The following TECTA variants were observed in gnomAD, a reference collection of about 807,000 sequenced individuals.
TECTA encodes the protein tectorin alpha, also known as alpha-tectorin.
TECTA carries 128 observed loss-of-function variants against 216.8 expected under a neutral mutation model. The ratio of observed to expected loss-of-function variants is 0.59; its 90% CI spans 0.51 to 0.68. The LOEUF (loss-of-function observed/expected upper bound fraction) is 0.68, where lower values mean the gene tolerates loss of function less well. Ranked by LOEUF, TECTA falls within the 30% of genes least tolerant of loss-of-function variation. The pLI is 0.00. For missense variants in TECTA, 2,551 were observed against 2,786.2 expected (o/e 0.92, Z 1.90); for synonymous variants, 1,089 against 1,117.1 (o/e 0.97, Z 0.50).
At chr11:121,170,569 C>G (rs1306813256) in intron 20 of TECTA, among the ~76,000 whole-genome samples, 1 of 152,062 alleles carries the variant, frequency 6.6e-6, no homozygotes, top group African/African-American at 2.4e-5. Flanking sequence ...CCCCTTTCTC[C>G]ATATCCTCAC....
At chr11:121,189,300 C>A (rs1947318019) in intron 22 of TECTA, 133 bp downstream of exon 22, 2 of 812,148 alleles carry the variant, frequency 2.5e-6, no homozygotes, top group Admixed American at 4.0e-5. Flanking sequence ...GAGAACATCA[C>A]CTGCTTCCTT....
intron 20 of TECTA, among the ~76,000 whole-genome samples, chr11:121,181,782 G>T (rs1335809077): frequency 6.6e-6 from 1 of 152,144 alleles, no homozygotes; most frequent in African/African-American, 2.4e-5. Context: ...GAGAATTATT[G>T]TGTTCTTATT....
intron 7 of TECTA, among the ~76,000 whole-genome samples, chr11:121,124,438 C>T (rs1475394813): frequency 6.6e-6 from 1 of 152,176 alleles, no homozygotes. Flanking sequence ...CTGCCCTTCC[C>T]CCACTCTTCC....
chr11:121,123,978 G>A (rs1374756147), intron 7 of TECTA, among the ~76,000 whole-genome samples: 2 of 152,132 alleles, frequency 1.3e-5, no homozygotes, highest in Non-Finnish European at 2.9e-5. Flanking sequence ...TCTCACCCTA[G>A]ATAACCACAT....
rs200170085 is a variant in TECTA at position 121,137,404 on chromosome 11, T to C, written c.2942-17T>C. 3.0e-5 allele frequency: 48 copies of C among 1,613,568 alleles called. 3 individuals carry two copies. In the South Asian group the frequency reaches 5.1e-4, roughly 17 times the overall value. On this transcript the variant is annotated splice_polypyrimidine_tract_variant and intron_variant, in intron 10 of 23. Transcript: ENST00000392793. Reference sequence around the variant, plus strand: ...TTGTCCTTTTCTCAAACCCGTCTTCTCCTTGACCACCTGCAGCACTGGAGT... The same window carrying C: ...TTGTCCTTTTCTCAAACCCGTCTTCCCCTTGACCACCTGCAGCACTGGAGT...
chr11:121,137,059 C>G (rs1334847631), intron 10 of TECTA, among the ~76,000 whole-genome samples: 1 of 152,198 alleles, frequency 6.6e-6, no homozygotes, highest in Admixed American at 6.5e-5. Context: ...GACTACAGCT[C>G]ACTGTACTGT....
rs147790742 is a variant in TECTA at position 121,118,487 on chromosome 11, G to C, written c.972G>C (p.Val324=). ...CSAVETSTCV[V]FGEPHYHTFD... is the part of the protein sequence containing the mutation. ...CTGTGGAGACCAGCACATGCGTGGT[G>C]TTTGGGGAGCCACACTACCACACTT... The change falls in exon 7 of 24, where the codon GTG becomes GTC. Residue 324 remains valine, a synonymous_variant. Transcript: ENST00000392793. The C allele has an allele frequency of 4.4e-4, 716 of 1,614,208 alleles. 4 individuals carry two copies. The African/African-American group carries it at 8.7e-3, about 20-fold the overall frequency.
chr11:121,166,007 G>C (rs1038656529), intron 17 of TECTA, among the ~76,000 whole-genome samples: 15 of 152,228 alleles, frequency 9.9e-5, no homozygotes, highest in Admixed American at 9.8e-4. Flanking sequence ...CTCCTTAGGA[G>C]GGGACAAGGG....
chr11:121,183,317 C>T (rs1245440056), intron 20 of TECTA, among the ~76,000 whole-genome samples: 3 of 152,094 alleles, frequency 2.0e-5, no homozygotes, highest in Non-Finnish European at 4.4e-5. Context: ...GTCTGAGGGG[C>T]TGGAGGGTGT....
rs1591464222 is a variant in TECTA, at chr11:121,168,187, C to G, written c.5720C>G (p.Ser1907Cys). 1.2e-6 allele frequency: 2 copies of G among 1,614,204 alleles called. No homozygotes were observed. The highest frequency in any genetic ancestry group is 2.7e-5 in the African/African-American group (2 of 75,064). The change falls in exon 19 of 24, where the codon TCC becomes TGC. Residue 1907 changes from serine to cysteine, a missense_variant. Coordinates refer to ENST00000392793, the MANE Select transcript of TECTA (RefSeq NM_005422.4). The stretch of plus-strand genomic sequence containing the variant: ...GCTTATGAGCTGGATATCAAGATCT[C>G]CTTGGATTCTGTTGTGAAGCCTATG... ...SCAYELDIKISLDSVVKPMLS... is the reference protein window; with the variant it reads ...SCAYELDIKICLDSVVKPMLS...
chr11:121,153,628 G>C (rs1433510778), intron 13 of TECTA, among the ~76,000 whole-genome samples: 3 of 152,136 alleles, frequency 2.0e-5, no homozygotes, highest in African/African-American at 7.2e-5. Flanking sequence ...CCTGGAGTTT[G>C]GTCTGGACTG....
At chr11:121,129,584 A>G in intron 9 of TECTA, 54 bp from the exon 10 acceptor site, 1 of 1,582,834 alleles carries the variant, frequency 6.3e-7, no homozygotes, top group East Asian at 2.2e-5. Context: ...AGCCTAGGAA[A>G]TGGAAAGTGC....
In TECTA at chr11:121,187,893, C is replaced by T. The variant is rs1455568421; in HGVS notation, c.6061C>T (p.Arg2021Cys). ...IEENAVSLTC[R>C]FHVTVFKFIG... ...GGAGAATGCAGTCTCCCTGACCTGT[C>T]GCTTTCACGTCACCGTCTTTAAATT... The change falls in exon 21 of 24, where the codon CGC (arginine) becomes TGC (cysteine). Residue 2021 changes from arginine to cysteine, a missense_variant. By Grantham distance (180) the Arg-to-Cys change is radical (BLOSUM62 -3). Coordinates refer to ENST00000392793, the MANE Select transcript of TECTA (RefSeq NM_005422.4). 5 of 1,614,128 alleles carry T rather than the reference C, an allele frequency of 3.1e-6. No homozygotes were observed. Among genetic ancestry groups the T allele is most frequent in the South Asian group, 1.1e-5 (1 of 91,088 alleles).
Position 121,129,648 on chromosome 11 carries a change from A to C in TECTA, c.2378A>C (p.Gln793Pro). 1 of 1,614,216 alleles carries C rather than the reference A, an allele frequency of 6.2e-7. No homozygotes were observed. ...IGASEVKLNG[Q>P]EVELPFFHPS... is the part of the protein sequence containing the mutation. ...GACTTGATTTTTCAGTTGAATGGTC[A>C]GGAAGTGGAATTGCCTTTTTTCCAT... The change falls in exon 10 of 24, where the codon CAG becomes CCG. Residue 793 changes from glutamine (Q) to proline (P), a missense_variant. Around this residue, in one of 3 missense-constraint regions of TECTA, gnomAD observed 2,375 missense variants for 2,563.9 expected, o/e 0.93. Coordinates refer to ENST00000392793, the MANE Select transcript of TECTA (RefSeq NM_005422.4).
intron 11 of TECTA, among the ~76,000 whole-genome samples, chr11:121,140,114 G>A (rs1946769881): frequency 1.3e-5 from 2 of 151,944 alleles, no homozygotes; most frequent in African/African-American, 4.8e-5. Flanking sequence ...TCTCTTCATG[G>A]GTCCTGTCTC....
chr11:121,122,022 AC>A (rs1946563163), intron 7 of TECTA, among the ~76,000 whole-genome samples: 3 of 152,046 alleles, frequency 2.0e-5, no homozygotes, highest in Admixed American at 2.0e-4. Flanking sequence ...CTAACCCTCT[AC>A]CTAGGAGACA....
chr11:121,189,182 TAAAACACACCCTA>T lies in TECTA; in HGVS notation c.6250+18_6250+30del, dbSNP rs1947316988. ...TAGGAGAAAAAGTATGTATGTTCCC[TAAAACACACCCTA>T]AATTATTAAAACAACGGGATTTCAA... is the stretch of plus-strand genomic sequence containing the variant. On this transcript the variant is annotated intron_variant, in intron 22 of 23. Transcript: ENST00000392793. The T allele has an allele frequency of 1.2e-6, 2 of 1,610,730 alleles. No individual in the cohort carries two copies. The highest frequency in any genetic ancestry group is 2.7e-5 in the African/African-American group (2 of 74,876).
Position 121,125,694 on chromosome 11 carries a change from C to T in TECTA, c.1596C>T (p.Gly532=). The T allele has an allele frequency of 6.2e-7, 1 of 1,609,806 alleles. No individual in the cohort carries two copies. ...GCGGCTTCCTCAACAAGACAGACGGCCCTCTGTGGGAGTGTGGCACTGTCG... is the reference window on the plus strand; with the variant it reads ...GCGGCTTCCTCAACAAGACAGACGGTCCTCTGTGGGAGTGTGGCACTGTCG... The part of the protein sequence containing the change: ...DYCGFLNKTD[G]PLWECGTVVD... The change falls in exon 8 of 24, where the codon GGC becomes GGT. Residue 532 remains glycine (G), a synonymous_variant. Transcript: ENST00000392793.
In TECTA at chr11:121,154,371, T is replaced by G. The variant is rs543223619; in HGVS notation, c.4305+1291T>G. The stretch of plus-strand genomic sequence containing the variant: ...AGGAAGTAAGGTAAAATAGTGAAAC[T>G]AATCAAAGGAGACTTTTTGGGAAAG... On this transcript the variant is annotated intron_variant, in intron 13 of 23. Coordinates refer to ENST00000392793, the MANE Select transcript of TECTA (RefSeq NM_005422.4). Among the ~76,000 whole-genome samples the G allele has an allele frequency of 4.6e-5, 7 of 152,286 alleles. No individual in the cohort carries two copies. The South Asian group carries it at 1.2e-3, about 27-fold the overall frequency.
Sources: gnomAD v4.1 joint callset for allele counts (sites outside exome capture counted in the v4.1 genomes callset) on GRCh38, gnomAD v4.1.1 for gene constraint, gnomAD v4.1.1 regional missense constraint, MANE v1.5 for transcripts, NCBI Gene and HGNC (gene_info 2026-07-23, HGNC 2026-07-21) for gene names.